TPRG1: variants seen among roughly 807,000 people sequenced by gnomAD.
TPRG1 encodes tumor protein p63 regulated 1.
In TPRG1, 29 loss-of-function variants were observed where a neutral mutation model predicts 29.3. That is an observed-to-expected ratio of 0.99 (90% CI 0.74 to 1.35). The LOEUF (loss-of-function observed/expected upper bound fraction) is 1.35. Among genes scored for constraint, TPRG1 ranks in the 40% most tolerant of loss-of-function variants. The pLI, the probability that TPRG1 is intolerant of heterozygous loss-of-function variation, is 0.00. For synonymous variants in TPRG1, 130 were observed against 116.8 expected (o/e 1.11, Z -0.73); for missense variants, 327 against 335.0 (o/e 0.98, Z 0.19).
rs532678414 is a variant in TPRG1, at chr3:189,162,336, G to A, written c.-10+11464G>A. On this transcript the variant is annotated intron_variant, in intron 5 of 6. Coordinates refer to the TPRG1 transcript ENST00000412373. Reference sequence around the variant, plus strand: ...GAAAAGCAGGGGGATAGCAGCTTGTGAGACATATTTGGGAAATGCTGACAG... The same window carrying A: ...GAAAAGCAGGGGGATAGCAGCTTGTAAGACATATTTGGGAAATGCTGACAG... 3.3e-4 allele frequency among the ~76,000 whole-genome samples: 50 copies of A among 152,306 alleles called. No individual in the cohort carries two copies. In the South Asian group the frequency reaches 9.3e-3, roughly 28 times the overall value.
chr3:189,068,983 A>C (rs1716643912), intron 4 of TPRG1, among the ~76,000 whole-genome samples: 1 of 152,232 alleles, frequency 6.6e-6, no homozygotes, highest in Admixed American at 6.5e-5. Flanking sequence ...AGAGAGTAGA[A>C]TGAAGGTTAC....
chr3:189,153,101 T>C (rs1262639657), intron 5 of TPRG1, among the ~76,000 whole-genome samples: 1 of 152,236 alleles, frequency 6.6e-6, no homozygotes, highest in African/African-American at 2.4e-5. Flanking sequence ...TCTGACAGTG[T>C]ACAACGTAAG....
intron 1 of TPRG1, among the ~76,000 whole-genome samples, chr3:189,172,448 G>A (rs1728929388): frequency 6.6e-6 from 1 of 152,154 alleles, no homozygotes; most frequent in Non-Finnish European, 1.5e-5. Context: ...TTAGTGAACT[G>A]AAGCTTGGTC....
chr3:189,031,396 T>C (rs1262517725), intron 4 of TPRG1, among the ~76,000 whole-genome samples: 2 of 152,188 alleles, frequency 1.3e-5, no homozygotes, highest in Admixed American at 6.5e-5. Flanking sequence ...CCAATACACA[T>C]GGCATATGTA....
intron 1 of TPRG1, among the ~76,000 whole-genome samples, chr3:189,178,454 G>A (rs554413951): frequency 5.3e-4 from 81 of 152,272 alleles, no homozygotes; most frequent in African/African-American, 1.9e-3. Flanking sequence ...GCTTGAACCC[G>A]GGAGGCAGAA....
At chr3:189,093,532 C>T (rs1009391088) in intron 4 of TPRG1, among the ~76,000 whole-genome samples, 7 of 152,074 alleles carry the variant, frequency 4.6e-5, no homozygotes, top group African/African-American at 1.2e-4. Context: ...TTTGTGGGCT[C>T]GCGGGGATTT....
chr3:189,025,304 C>G (rs142954422), intron 4 of TPRG1, among the ~76,000 whole-genome samples: 8 of 152,298 alleles, frequency 5.3e-5, no homozygotes, highest in African/African-American at 1.9e-4. Flanking sequence ...CATTCACTCA[C>G]TGCCTCCCTT....
chr3:189,038,171 C>T (rs1277482239), intron 4 of TPRG1, among the ~76,000 whole-genome samples: 1 of 151,836 alleles, frequency 6.6e-6, no homozygotes, highest in East Asian at 1.9e-4. Context: ...AAAAAATAGC[C>T]TGCCACATGA....
At position 189,034,546 on chromosome 3, in the gene TPRG1, C is replaced by T. The variant is rs544184879; in HGVS notation, c.-463+10600C>T. Among the ~76,000 whole-genome samples, 3 of 151,998 alleles carry T rather than the reference C, an allele frequency of 2.0e-5. No individual in the cohort carries two copies. The East Asian group carries it at 5.8e-4, about 29-fold the overall frequency. Reference sequence around the variant, plus strand: ...TTTTAAATACATAAAGCAAGAATGACAGAACTGTGGTGAAATAAAGGCAAA... The same window carrying T: ...TTTTAAATACATAAAGCAAGAATGATAGAACTGTGGTGAAATAAAGGCAAA... On this transcript the variant is annotated intron_variant, in intron 4 of 10. Coordinates refer to the TPRG1 transcript ENST00000433971.
At chr3:189,306,886 A>G (rs1721714356) in intron 4 of TPRG1, among the ~76,000 whole-genome samples, 1 of 152,230 alleles carries the variant, frequency 6.6e-6, no homozygotes, top group Non-Finnish European at 1.5e-5. Flanking sequence ...CAAGCTAGTG[A>G]AAGTCATGAT....
intron 4 of TPRG1, among the ~76,000 whole-genome samples, chr3:189,075,855 C>T (rs1224317077): frequency 1.3e-5 from 2 of 152,266 alleles, no homozygotes; most frequent in Admixed American, 6.5e-5. Context: ...AGCAGTCAGC[C>T]TAGTTTTGTT....
chr3:189,224,204 C>A (rs1212768249), intron 3 of TPRG1, among the ~76,000 whole-genome samples: 1 of 152,172 alleles, frequency 6.6e-6, no homozygotes, highest in Non-Finnish European at 1.5e-5. Flanking sequence ...CCTGGAAGGC[C>A]AGGCATGGTG....
intron 1 of TPRG1, among the ~76,000 whole-genome samples, chr3:189,187,130 AT>A (rs1731041728): frequency 6.6e-6 from 1 of 151,538 alleles, no homozygotes; most frequent in African/African-American, 2.4e-5. Context: ...GGGATCACAG[AT>A]TCGCACCACC....
At chr3:189,065,509 CTT>C (rs1414008161) in intron 4 of TPRG1, among the ~76,000 whole-genome samples, 1 of 151,498 alleles carries the variant, frequency 6.6e-6, no homozygotes, top group Non-Finnish European at 1.5e-5. Context: ...AGAAAAGTGA[CTT>C]AACACTCAAA....
intron 3 of TPRG1, among the ~76,000 whole-genome samples, chr3:189,221,847 C>T (rs538936072): frequency 6.6e-6 from 1 of 152,310 alleles, no homozygotes; most frequent in South Asian, 2.1e-4. Context: ...ATGAAGAAAC[C>T]TAGAGATTAA....
At chr3:189,074,623 T>A (rs914705901) in intron 4 of TPRG1, among the ~76,000 whole-genome samples, 2 of 152,216 alleles carry the variant, frequency 1.3e-5, no homozygotes, top group Non-Finnish European at 2.9e-5. Flanking sequence ...TTTATTTCTT[T>A]TTCCCTGTGC....
intron 1 of TPRG1, among the ~76,000 whole-genome samples, chr3:189,000,137 G>T (rs1212686263): frequency 6.6e-6 from 1 of 152,054 alleles, no homozygotes; most frequent in Non-Finnish European, 1.5e-5. Flanking sequence ...AATGTTTTAT[G>T]CAATAGTTAG....
chr3:189,190,975 C>T (rs749504975), intron 1 of TPRG1: 25 of 985,226 alleles, frequency 2.5e-5, no homozygotes, highest in Admixed American at 2.5e-4. Context: ...CAAGGAAATG[C>T]GAATATCACA....
chr3:189,246,545 T>C (rs1200468894), intron 4 of TPRG1, among the ~76,000 whole-genome samples: 1 of 152,170 alleles, frequency 6.6e-6, no homozygotes, highest in Non-Finnish European at 1.5e-5. Context: ...TTAGATAAAA[T>C]AGTCTTTTAT....
Sources: allele counts gnomAD v4.1 joint callset (sites outside exome capture counted in the v4.1 genomes callset), GRCh38; gene constraint gnomAD v4.1.1; transcripts MANE v1.5; gene names NCBI Gene and HGNC (gene_info 2026-07-23, HGNC 2026-07-21).